Variants in KDM5B observed in about 807,000 individuals in gnomAD.
KDM5B encodes the protein lysine-specific demethylase 5B.
In KDM5B, 144 loss-of-function variants were observed where a neutral mutation model predicts 193.4. The ratio of observed to expected loss-of-function variants is 0.74; its 90% CI spans 0.65 to 0.86. The LOEUF is 0.86. Among genes scored for constraint, KDM5B ranks in the 40% least tolerant of loss-of-function variants. The pLI is 0.00. For missense variants in KDM5B, 1,833 were observed against 1,886.9 expected (o/e 0.97, Z 0.53); for synonymous variants, 668 against 682.6 (o/e 0.98, Z 0.33).
At position 202,731,863 on chromosome 1, in the gene KDM5B, G is replaced by A. The variant is rs747637706; in HGVS notation, c.3986C>T (p.Pro1329Leu). The A allele has an allele frequency of 1.2e-6, 2 of 1,613,448 alleles. No homozygotes were observed. The highest frequency in any genetic ancestry group is 2.7e-5 in the African/African-American group (2 of 74,858). Reference sequence around the variant, plus strand: ...GATACAACTTCGTCCAGTTGAGAAGGGGGAGTGCAAATATGAGGTTCTGTT... The same window carrying A: ...GATACAACTTCGTCCAGTTGAGAAGAGGGAGTGCAAATATGAGGTTCTGTT... ...WDNRTSYLHS[P>L]FSTGRSCIPL... Residue 1329 changes from proline (P) to leucine (L), a missense_variant, in exon 24 of 27, where the codon CCC becomes CTC. Pro to Leu is a moderately conservative substitution (Grantham distance 98). Coordinates refer to ENST00000367265, the MANE Select transcript of KDM5B (RefSeq NM_006618.5).
Position 202,735,572 on chromosome 1 carries a change from A to G in KDM5B, c.3280T>C (p.Cys1094Arg), listed in dbSNP as rs1655060440. 4 of 1,613,774 alleles carry G rather than the reference A, an allele frequency of 2.5e-6. No homozygotes were observed. Among genetic ancestry groups the G allele is most frequent in the Admixed American group, 3.3e-5 (2 of 59,996 alleles). Residue 1094 changes from cysteine (C) to arginine (R), a missense_variant, in exon 22 of 27, where the codon TGT (cysteine) becomes CGT (arginine). Transcript: ENST00000367265. ...YSLLEVLCPR[C>R]DIGLLGLKRK... ...TTCAATCCCAAAAGGCCAATATCAC[A>G]TCGAGGACACAGCACCTAATGTGGG...
chr1:202,729,508 AAG>A, intron 26 of KDM5B, 197 bp downstream of exon 26: 1 of 607,078 alleles, frequency 1.6e-6, no homozygotes, highest in South Asian at 2.1e-5. Flanking sequence ...AGGGAAGAAC[AAG>A]AGTTTCTTCA....
intron 1 of KDM5B, among the ~76,000 whole-genome samples, chr1:202,799,191 T>A (rs1281376935): frequency 6.6e-6 from 1 of 152,188 alleles, no homozygotes; most frequent in African/African-American, 2.4e-5. Flanking sequence ...ACAGCAGCCC[T>A]AGGTCAGTGT....
At chr1:202,788,275 T>C (rs1176461676) in intron 1 of KDM5B, among the ~76,000 whole-genome samples, 1 of 152,198 alleles carries the variant, frequency 6.6e-6, no homozygotes, top group Non-Finnish European at 1.5e-5. Context: ...CTTTTAATAG[T>C]CATTATTAAA....
chr1:202,736,270 C>A lies in KDM5B; in HGVS notation c.3207G>T (p.Trp1069Cys). ...AGAATGTATTAACAGCACATTCTTT[C>A]CAAGCCTGAACCTCAGCTACTAGGG... ...LETLVAEVQAWKECAVNTFLT... is the reference protein window; with the variant it reads ...LETLVAEVQACKECAVNTFLT... The change falls in exon 21 of 27, where the codon TGG (tryptophan) becomes TGT (cysteine). Residue 1069 changes from tryptophan to cysteine, a missense_variant. Trp to Cys is a radical substitution (Grantham distance 215). Around this residue, in one of 3 missense-constraint regions of KDM5B, gnomAD observed 1,379 missense variants for 1,349.6 expected, o/e 1.02. Transcript: ENST00000367265. The A allele has an allele frequency of 6.2e-7, 1 of 1,611,432 alleles. No individual in the cohort carries two copies. Among genetic ancestry groups the A allele is most frequent in the Non-Finnish European group, 8.5e-7 (1 of 1,178,776 alleles).
chr1:202,759,268 A>G (rs12142312), intron 8 of KDM5B, among the ~76,000 whole-genome samples: 93,331 of 152,092 alleles, frequency 0.61, 31,549 homozygotes, highest in Middle Eastern at 0.77. Context: ...GGCTGGGTGC[A>G]GTGGCTCACA....
At chr1:202,744,674 AG>A (rs1655480987) in intron 16 of KDM5B, among the ~76,000 whole-genome samples, 1 of 152,236 alleles carries the variant, frequency 6.6e-6, no homozygotes, top group Non-Finnish European at 1.5e-5. Flanking sequence ...TGTGGAGAAA[AG>A]GGAACGCATA....
At chr1:202,807,648 C>CCCCCA (rs1658358928) in intron 1 of KDM5B, among the ~76,000 whole-genome samples, 1 of 143,692 alleles carries the variant, frequency 7.0e-6, no homozygotes, top group Non-Finnish European at 1.5e-5. Context: ...AAGTCCCCCA[C>CCCCCA]CCCCACCCCA....
intron 9 of KDM5B, among the ~76,000 whole-genome samples, chr1:202,756,736 G>A (rs1355368979): frequency 2.0e-5 from 3 of 152,154 alleles, no homozygotes; most frequent in Non-Finnish European, 4.4e-5. Context: ...GCCAAGGAAA[G>A]CAATTATTTA....
In KDM5B at chr1:202,760,409, T is replaced by A; in HGVS notation, c.1077+6A>T. ...TTCTAGTGTTACCTCTACTATTAAT[T>A]ATTACCTGAGCCAAACACTTAGGAC... On this transcript the variant is annotated splice_donor_region_variant and intron_variant, in intron 8 of 26. Transcript: ENST00000367265. The A allele has an allele frequency of 6.3e-7, 1 of 1,591,488 alleles. No homozygotes were observed. Among genetic ancestry groups the A allele is most frequent in the Middle Eastern group, 1.7e-4 (1 of 6,014 alleles).
At chr1:202,807,453 G>A (rs1159373696) in intron 1 of KDM5B, among the ~76,000 whole-genome samples, 1 of 142,478 alleles carries the variant, frequency 7.0e-6, no homozygotes, top group Non-Finnish European at 1.5e-5. Flanking sequence ...AGCGCTGGCC[G>A]CCCCCTTCTT....
Position 202,764,128 on chromosome 1 carries a change from T to A in KDM5B, c.729A>T (p.Ile243=). The change falls in exon 6 of 27, where the codon ATA becomes ATT. Residue 243 remains isoleucine, a synonymous_variant. Coordinates refer to ENST00000367265, the MANE Select transcript of KDM5B (RefSeq NM_006618.5). ...TGGCTTCCGTTGTCTCCTCGGGTTC[T>A]ATTTTAATATTCATGGCCTTAAAAA... The part of the protein sequence containing the change: ...RMRAEAMNIK[I]EPEETTEART... 4 of 1,551,874 alleles carry A rather than the reference T, an allele frequency of 2.6e-6. 1 individual carries two copies. Among genetic ancestry groups the A allele is most frequent in the Non-Finnish European group, 3.5e-6 (4 of 1,145,122 alleles).
rs36098169 is a variant in KDM5B at position 202,726,405 on chromosome 1, A to T, written c.*2631T>A. 29,169 of 152,094 alleles carry T rather than the reference A, an allele frequency of 0.19. 3,016 individuals carry two copies. The highest frequency in any genetic ancestry group is 0.28 in the Middle Eastern group (82 of 294). The allele number at this position is 152,094 out of a possible 1,614,324, so 9.4% of individuals were successfully genotyped here. A position where few individuals can be genotyped will look rare whatever the true frequency, so the allele number is the denominator to read the frequency against. ...TTCTCCAGGATAGAGGCTACATATA[A>T]TCAAGCCCTTTATTCTATATAAGAA... On this transcript the variant is annotated 3_prime_UTR_variant, in exon 27 of 27. Coordinates refer to ENST00000367265, the MANE Select transcript of KDM5B (RefSeq NM_006618.5).
At chr1:202,756,135 G>C (rs148694835) in intron 10 of KDM5B, among the ~76,000 whole-genome samples, 153 of 152,272 alleles carry the variant, frequency 1.0e-3, no homozygotes, top group Non-Finnish European at 1.9e-3. Flanking sequence ...AGAAACCAAG[G>C]TTATAAAATC....
intron 14 of KDM5B, among the ~76,000 whole-genome samples, chr1:202,748,065 T>C (rs555721368): frequency 2.4e-4 from 36 of 152,284 alleles, no homozygotes; most frequent in African/African-American, 7.2e-4. Context: ...AATAGATGCA[T>C]AGATCACCAG....
At chr1:202,760,337 A>C in intron 8 of KDM5B, 78 bp downstream of exon 8, 2 of 982,434 alleles carry the variant, frequency 2.0e-6, no homozygotes, top group Non-Finnish European at 3.0e-6. Context: ...ATAAAATAAA[A>C]TAAAAAATAA....
intron 22 of KDM5B, 41 bp downstream of exon 22, chr1:202,735,388 T>C (rs1655052021): frequency 1.3e-6 from 2 of 1,575,146 alleles, no homozygotes; most frequent in Non-Finnish European, 1.7e-6. Flanking sequence ...AAATTATTCT[T>C]CCCAATAACA....
chr1:202,799,593 C>T (rs1240057362), intron 1 of KDM5B, among the ~76,000 whole-genome samples: 2 of 150,120 alleles, frequency 1.3e-5, no homozygotes, highest in Non-Finnish European at 2.9e-5. Flanking sequence ...GCGGAAGTTG[C>T]GGTGAGCCGA....
rs961704469 is a variant in KDM5B, at chr1:202,749,032, T to A, written c.1929A>T (p.Leu643Phe). ...GAACAGTTGAAGCCACTACAACATCTAATACATCAGCCTTGGAAGCCATCT... is the reference window on the plus strand; with the variant it reads ...GAACAGTTGAAGCCACTACAACATCAAATACATCAGCCTTGGAAGCCATCT... ...ICKMASKADV[L>F]DVVVASTVQK... The change falls in exon 14 of 27, where the codon TTA becomes TTT. Residue 643 changes from leucine (L) to phenylalanine (F), a missense_variant. Transcript: ENST00000367265. 12 of 1,614,170 alleles carry A rather than the reference T, an allele frequency of 7.4e-6. No individual in the cohort carries two copies. Among genetic ancestry groups the A allele is most frequent in the Non-Finnish European group, 8.5e-6 (10 of 1,179,988 alleles).
Sources: allele counts gnomAD v4.1 joint callset (sites outside exome capture counted in the v4.1 genomes callset), GRCh38; gene constraint gnomAD v4.1.1; regional missense constraint gnomAD v4.1.1; transcripts MANE v1.5; gene names NCBI Gene and HGNC (gene_info 2026-07-23, HGNC 2026-07-21).